Variants in CLEC2A observed in about 807,000 individuals in gnomAD.
CLEC2A encodes the protein C-type lectin domain family 2 member A.
CLEC2A carries 19 observed loss-of-function variants against 18.6 expected under a neutral mutation model. The ratio of observed to expected loss-of-function variants is 1.02; its 90% CI spans 0.71 to 1.50. The LOEUF (loss-of-function observed/expected upper bound fraction) is 1.50. Among genes scored for constraint, CLEC2A ranks in the 40% most tolerant of loss-of-function variants. The probability of loss-of-function intolerance (pLI) is 0.00; values close to 1 mark genes in which losing one functional copy is unlikely to be tolerated. For synonymous variants in CLEC2A, 74 were observed against 64.0 expected (o/e 1.16, Z -0.75); for missense variants, 190 against 207.9 (o/e 0.91, Z 0.53).
intron 3 of CLEC2A, among the ~76,000 whole-genome samples, chr12:9,918,971 T>C (rs562807806): frequency 1.3e-5 from 2 of 152,298 alleles, no homozygotes; most frequent in East Asian, 3.9e-4. Context: ...ATATTTTTGG[T>C]GTTGAAGATT....
chr12:9,888,314 C>T, the CLEC2A span, among the ~76,000 whole-genome samples: 1 of 151,272 alleles, frequency 6.6e-6, no homozygotes, highest in Non-Finnish European at 1.5e-5. Context: ...TATCATGAAA[C>T]CCCATCTCTA....
chr12:9,926,226 G>T, intron 2 of CLEC2A, 34 bp downstream of exon 2: 1 of 1,264,702 alleles, frequency 7.9e-7, no homozygotes, highest in Non-Finnish European at 1.1e-6. Context: ...CAGGAGTGAA[G>T]AACCATAGAA....
chr12:9,898,644 CA>C (rs1862784911), downstream of CLEC2A: 1 of 414,772 alleles, frequency 2.4e-6, no homozygotes, highest in African/African-American at 2.0e-5. Context: ...CAGCTATGTC[CA>C]CTATGTAAAT....
the CLEC2A span, among the ~76,000 whole-genome samples, chr12:9,885,420 T>G: frequency 6.6e-6 from 1 of 151,930 alleles, no homozygotes; most frequent in African/African-American, 2.4e-5. Context: ...TACTTATATG[T>G]GTATACTGTA....
At chr12:9,914,178 T>C (rs2137033693) in intron 4 of CLEC2A, among the ~76,000 whole-genome samples, 1 of 152,338 alleles carries the variant, frequency 6.6e-6, no homozygotes, top group South Asian at 2.1e-4. Context: ...AATAGAAACC[T>C]AAGAGACTGC....
intron 4 of CLEC2A, among the ~76,000 whole-genome samples, chr12:9,902,108 G>A (rs1009773325): frequency 3.3e-5 from 5 of 152,026 alleles, no homozygotes; most frequent in Admixed American, 2.6e-4. Flanking sequence ...ACATTTTACT[G>A]TTCTTACATA....
chr12:9,888,609 G>A, the CLEC2A span: 3 of 574,564 alleles, frequency 5.2e-6, no homozygotes, highest in South Asian at 4.9e-5. Context: ...GGATGCATAG[G>A]AGAAGAGAAA....
intron 4 of CLEC2A, chr12:9,899,043 A>C: frequency 2.9e-6 from 2 of 684,414 alleles, no homozygotes; most frequent in South Asian, 1.5e-5. Flanking sequence ...AAACAAGGGG[A>C]GGAGTAAGAA....
the CLEC2A span, among the ~76,000 whole-genome samples, chr12:9,891,501 A>G: frequency 6.6e-6 from 1 of 152,160 alleles, no homozygotes; most frequent in Non-Finnish European, 1.5e-5. Flanking sequence ...CAATATCTAC[A>G]TAATAAAATT....
chr12:9,904,568 C>G (rs113551490), intron 4 of CLEC2A, among the ~76,000 whole-genome samples: 225 of 152,172 alleles, frequency 1.5e-3, no homozygotes, highest in African/African-American at 5.3e-3. Flanking sequence ...TATGTTTGGG[C>G]ACAGTGTTGG....
At position 9,922,134 on chromosome 12, in the gene CLEC2A, T is replaced by C. The variant is rs765561115; in HGVS notation, c.238A>G (p.Thr80Ala). 6.4e-7 allele frequency: 1 copy of C among 1,551,172 alleles called. No individual in the cohort carries two copies. Among genetic ancestry groups the C allele is most frequent in the Non-Finnish European group, 8.7e-7 (1 of 1,146,680 alleles). The change falls in exon 3 of 5, where the codon ACA (threonine) becomes GCA (alanine). Residue 80 changes from threonine (T) to alanine (A), a missense_variant. Coordinates refer to ENST00000455827, the MANE Select transcript of CLEC2A (RefSeq NM_001130711.2). ...FYFSDDTRNW[T>A]ASKIFCSLQK... ...AAACTACAAAATATTTTACTGGCTG[T>C]CCAATTTCTGGTATCATCAGAAAAA...
At chr12:9,928,376 A>G (rs910967168) in intron 1 of CLEC2A, among the ~76,000 whole-genome samples, 21 of 152,132 alleles carry the variant, frequency 1.4e-4, no homozygotes, top group Non-Finnish European at 5.9e-5. Flanking sequence ...TTGAGGCAGG[A>G]GAATACTTGA....
intron 2 of CLEC2A, among the ~76,000 whole-genome samples, chr12:9,923,932 T>C (rs1434890343): frequency 4.0e-5 from 6 of 151,000 alleles, no homozygotes; most frequent in African/African-American, 1.5e-4. Flanking sequence ...GATGTTGGGG[T>C]TGGGGGAGTG....
chr12:9,902,924 G>A (rs11053503), intron 4 of CLEC2A, among the ~76,000 whole-genome samples: 14,848 of 152,170 alleles, frequency 0.098, 1,091 homozygotes, highest in East Asian at 0.34. Context: ...GACACGTGTT[G>A]GGGGAGAAGG....
chr12:9,878,924 G>C, the CLEC2A span, among the ~76,000 whole-genome samples: 6 of 152,150 alleles, frequency 3.9e-5, no homozygotes, highest in Non-Finnish European at 8.8e-5. Flanking sequence ...GCTTTTGTGA[G>C]GGAACCTGGT....
chr12:9,911,039 A>T (rs1862978043), downstream of CLEC2A, among the ~76,000 whole-genome samples: 1 of 152,238 alleles, frequency 6.6e-6, no homozygotes, highest in Non-Finnish European at 1.5e-5. Flanking sequence ...TGAACAAAGG[A>T]GGGTAAGAGT....
At chr12:9,912,386 G>GA (rs1480568523), downstream of CLEC2A, among the ~76,000 whole-genome samples, 4 of 152,104 alleles carry the variant, frequency 2.6e-5, no homozygotes, top group Non-Finnish European at 5.9e-5. Flanking sequence ...GAAAAAGGAA[G>GA]AAAATGGCCT....
chr12:9,900,862 T>G (rs559601983), intron 4 of CLEC2A, among the ~76,000 whole-genome samples: 1 of 152,148 alleles, frequency 6.6e-6, no homozygotes, highest in Non-Finnish European at 1.5e-5. Flanking sequence ...ATAAACACTT[T>G]CTCCAATTGT....
At chr12:9,905,834 T>A (rs960344412) in intron 4 of CLEC2A, among the ~76,000 whole-genome samples, 1 of 152,192 alleles carries the variant, frequency 6.6e-6, no homozygotes, top group African/African-American at 2.4e-5. Context: ...CTTAACTACA[T>A]TATTAGCAGT....
Sources: allele counts gnomAD v4.1 joint callset (sites outside exome capture counted in the v4.1 genomes callset), GRCh38; gene constraint gnomAD v4.1.1; transcripts MANE v1.5; gene names NCBI Gene and HGNC (gene_info 2026-07-23, HGNC 2026-07-21).